Variants in MAN2A1 observed in about 807,000 individuals in gnomAD.
MAN2A1 encodes the protein mannosidase alpha class 2A member 1, also known as alpha-mannosidase 2.
MAN2A1 carries 76 observed loss-of-function variants against 142.6 expected under a neutral mutation model. The observed-to-expected ratio is 0.53, with a 90% confidence interval of 0.44 to 0.65. The LOEUF is 0.65. MAN2A1 is among the 30% of genes least tolerant of loss of function. MAN2A1 has a pLI of 0.00. For missense variants in MAN2A1, 1,311 were observed against 1,365.1 expected (o/e 0.96, Z 0.62); for synonymous variants, 559 against 473.2 (o/e 1.18, Z -2.35).
At chr5:109,759,073 G>A (rs907904808) in intron 5 of MAN2A1, among the ~76,000 whole-genome samples, 34 of 151,964 alleles carry the variant, frequency 2.2e-4, no homozygotes, top group African/African-American at 8.2e-4. Flanking sequence ...TGAATTTTAG[G>A]CCAGTTTATC....
intron 2 of MAN2A1, among the ~76,000 whole-genome samples, chr5:109,715,039 G>A (rs1022864858): frequency 6.6e-6 from 1 of 151,728 alleles, no homozygotes; most frequent in African/African-American, 2.4e-5. Flanking sequence ...AATCTGGGCT[G>A]GACAGAAAGG....
intron 3 of MAN2A1, among the ~76,000 whole-genome samples, chr5:109,729,010 A>C (rs945197347): frequency 1.4e-5 from 2 of 145,288 alleles, no homozygotes; most frequent in Non-Finnish European, 3.0e-5. Flanking sequence ...AAATTCAAAA[A>C]AAATTCCTTA....
intron 6 of MAN2A1, among the ~76,000 whole-genome samples, chr5:109,768,403 C>T (rs557015030): frequency 6.6e-6 from 1 of 152,014 alleles, no homozygotes; most frequent in Non-Finnish European, 1.5e-5. Context: ...TAATATTATT[C>T]TTTTTTTATG....
intron 8 of MAN2A1, among the ~76,000 whole-genome samples, 165 bp downstream of exon 8, chr5:109,775,130 T>C (rs557266176): frequency 6.6e-6 from 1 of 152,312 alleles, no homozygotes; most frequent in South Asian, 2.1e-4. Context: ...TATTATATGC[T>C]ATAGTTCCAT....
chr5:109,728,330 T>C (rs949061074), intron 3 of MAN2A1, among the ~76,000 whole-genome samples: 2 of 152,192 alleles, frequency 1.3e-5, no homozygotes, highest in Non-Finnish European at 2.9e-5. Flanking sequence ...AAACAGCCAT[T>C]TGGACCCTCT....
In MAN2A1 at chr5:109,713,543, A is replaced by G; in HGVS notation, c.159A>G (p.Glu53=). 9.9e-6 allele frequency: 16 copies of G among 1,609,528 alleles called. No individual in the cohort carries two copies. The highest frequency in any genetic ancestry group is 1.4e-5 in the Non-Finnish European group (16 of 1,176,340). Residue 53 remains glutamate, a synonymous_variant, in exon 2 of 22, where the codon GAA becomes GAG. Transcript: ENST00000261483. ...AGGGCCAGCTCTCAATGTTGCAAGA[A>G]AAAATAGACCATTTGGAGCGTTTGC... The part of the protein sequence containing the change: ...FPQGQLSMLQ[E]KIDHLERLLA...
chr5:109,690,907 C>G (rs1410389112), intron 1 of MAN2A1, among the ~76,000 whole-genome samples: 1 of 152,160 alleles, frequency 6.6e-6, no homozygotes. Context: ...GCCCGCGTAT[C>G]CCGGTGGGGT....
intron 14 of MAN2A1, 150 bp downstream of exon 14, chr5:109,820,037 C>CT (rs1198720484): frequency 1.1e-5 from 9 of 789,074 alleles, no homozygotes; most frequent in Non-Finnish European, 1.8e-5. Context: ...TTTGCACCTT[C>CT]ATTGACCACT....
intron 1 of MAN2A1, among the ~76,000 whole-genome samples, chr5:109,707,442 A>G (rs1751165425): frequency 6.6e-6 from 1 of 152,052 alleles, no homozygotes; most frequent in Non-Finnish European, 1.5e-5. Flanking sequence ...CTAGGTAGGT[A>G]GGCATCAGGG....
chr5:109,782,026 A>G (rs1753472851), intron 9 of MAN2A1, among the ~76,000 whole-genome samples: 1 of 152,196 alleles, frequency 6.6e-6, no homozygotes, highest in South Asian at 2.1e-4. Context: ...CGTGAGCTTC[A>G]AAGTTCACAG....
intron 21 of MAN2A1, 77 bp downstream of exon 21, chr5:109,865,223 G>T (rs1755850600): frequency 9.6e-7 from 1 of 1,041,262 alleles, no homozygotes; most frequent in Non-Finnish European, 1.5e-6. Context: ...TTGACAATAA[G>T]ATCATGTTTC....
At chr5:109,742,200 A>G (rs1193395214) in intron 4 of MAN2A1, among the ~76,000 whole-genome samples, 2 of 152,188 alleles carry the variant, frequency 1.3e-5, no homozygotes, top group Non-Finnish European at 2.9e-5. Flanking sequence ...TGCTCTTGCT[A>G]TTGAGACCAG....
chr5:109,713,459 G>T (rs1317585444), intron 1 of MAN2A1, 61 bp from the exon 2 acceptor site: 1 of 1,403,924 alleles, frequency 7.1e-7, no homozygotes, highest in Non-Finnish European at 9.5e-7. Flanking sequence ...AAAAAAATGT[G>T]TATGCCTCAG....
intron 4 of MAN2A1, among the ~76,000 whole-genome samples, chr5:109,753,612 C>G (rs1260647589): frequency 6.6e-6 from 1 of 152,150 alleles, no homozygotes; most frequent in Non-Finnish European, 1.5e-5. Context: ...CCATTATCCA[C>G]TCTGTTACTG....
chr5:109,699,775 C>T (rs1383805427), intron 1 of MAN2A1: 4 of 159,924 alleles, frequency 2.5e-5, no homozygotes, highest in East Asian at 1.9e-4. Flanking sequence ...CCAGATCAGC[C>T]GAATCAACCC....
At chr5:109,713,313 C>T (rs1751354472) in intron 1 of MAN2A1, among the ~76,000 whole-genome samples, 1 of 152,120 alleles carries the variant, frequency 6.6e-6, no homozygotes, top group Admixed American at 6.5e-5. Flanking sequence ...GCAAAGATTG[C>T]AGCCGCGGAG....
In MAN2A1 at chr5:109,823,808, C is replaced by G; in HGVS notation, c.2537C>G (p.Thr846Ser). ...SEVTCFFDHV[T>S]HRVRLYHIQG... ...GTGACTTGCTTTTTTGACCATGTTA[C>G]TCATAGAGTCCGACTATACCACATA... Residue 846 changes from threonine to serine, a missense_variant, in exon 16 of 22, where the codon ACT becomes AGT. This residue lies in a region of MAN2A1 where 890 missense variants were observed against 920.5 expected (regional missense o/e 0.97). Coordinates refer to ENST00000261483, the MANE Select transcript of MAN2A1 (RefSeq NM_002372.4). 6.3e-7 allele frequency: 1 copy of G among 1,599,380 alleles called. No individual in the cohort carries two copies.
intron 5 of MAN2A1, among the ~76,000 whole-genome samples, chr5:109,758,724 TA>T (rs1317609586): frequency 6.7e-6 from 1 of 148,990 alleles, no homozygotes; most frequent in African/African-American, 2.4e-5. Context: ...ACTATTAATA[TA>T]ATTGTTATAT....
intron 9 of MAN2A1, among the ~76,000 whole-genome samples, chr5:109,783,964 C>T (rs1286388624): frequency 6.6e-6 from 1 of 151,936 alleles, no homozygotes; most frequent in African/African-American, 2.4e-5. Context: ...CTCTTGGGCT[C>T]AAGTGATCCT....
Sources: gnomAD v4.1 joint callset for allele counts (sites outside exome capture counted in the v4.1 genomes callset) on GRCh38, gnomAD v4.1.1 for gene constraint, gnomAD v4.1.1 regional missense constraint, MANE v1.5 for transcripts, NCBI Gene and HGNC (gene_info 2026-07-23, HGNC 2026-07-21) for gene names.